CAMK2D: variants seen among roughly 807,000 people sequenced by gnomAD.
The protein encoded by CAMK2D is calcium/calmodulin-dependent protein kinase type II subunit delta.
A neutral mutation model predicts 84.0 loss-of-function variants in CAMK2D; 37 were observed. The observed-to-expected ratio is 0.44, with a 90% CI of 0.34 to 0.58. CAMK2D has a LOEUF of 0.58. Ranked by LOEUF, CAMK2D falls within the 20% of genes least tolerant of loss-of-function variation. CAMK2D has a pLI of 0.02. For synonymous variants in CAMK2D, 202 were observed against 212.5 expected, an observed-to-expected ratio of 0.95 and a Z score of 0.43; for missense variants, 448 against 652.5, an observed-to-expected ratio of 0.69 and a Z score of 3.41.
At chr4:113,732,304 G>A (rs1321408057) in intron 2 of CAMK2D, among the ~76,000 whole-genome samples, 2 of 151,834 alleles carry the variant, frequency 1.3e-5, no homozygotes, top group African/African-American at 4.8e-5. Flanking sequence ...TTTATTTTTT[G>A]TATAGACAGG....
chr4:113,756,761 C>A (rs1269589419), intron 2 of CAMK2D, among the ~76,000 whole-genome samples: 1 of 152,048 alleles, frequency 6.6e-6, no homozygotes. Flanking sequence ...TGAGCCCCTT[C>A]TATGCTCTCA....
chr4:113,690,590 A>G (rs946932550), intron 2 of CAMK2D, among the ~76,000 whole-genome samples: 2 of 152,196 alleles, frequency 1.3e-5, no homozygotes, highest in African/African-American at 4.8e-5. Context: ...CAAAATATCT[A>G]CTAAATGATG....
At chr4:113,514,226 A>G (rs1479422562) in intron 10 of CAMK2D, among the ~76,000 whole-genome samples, 3 of 152,180 alleles carry the variant, frequency 2.0e-5, no homozygotes, top group Non-Finnish European at 4.4e-5. Context: ...CAGCCTGGCC[A>G]ACATGGCGAA....
At chr4:113,583,803 T>C (rs913962690) in intron 4 of CAMK2D, among the ~76,000 whole-genome samples, 37 of 152,226 alleles carry the variant, frequency 2.4e-4, no homozygotes, top group Non-Finnish European at 4.7e-4. Context: ...TTTTCTGTTA[T>C]GGAATTCAGC....
At chr4:113,743,158 A>T (rs747626862) in intron 2 of CAMK2D, among the ~76,000 whole-genome samples, 4 of 152,092 alleles carry the variant, frequency 2.6e-5, no homozygotes, top group African/African-American at 7.2e-5. Context: ...CCCTCACCTC[A>T]TCTCTCTGCT....
chr4:113,571,724 A>T (rs2098754470), intron 4 of CAMK2D, among the ~76,000 whole-genome samples: 1 of 152,166 alleles, frequency 6.6e-6, no homozygotes, highest in South Asian at 2.1e-4. Context: ...AAAATAAAAA[A>T]ATTAGCTGGG....
intron 3 of CAMK2D, among the ~76,000 whole-genome samples, chr4:113,624,887 A>G (rs2099061195): frequency 6.6e-6 from 1 of 152,238 alleles, no homozygotes; most frequent in Non-Finnish European, 1.5e-5. Flanking sequence ...TTGCAGAGAA[A>G]GCTGACTTTC....
intron 2 of CAMK2D, among the ~76,000 whole-genome samples, chr4:113,720,990 T>C (rs2148621672): frequency 6.6e-6 from 1 of 152,252 alleles, no homozygotes; most frequent in South Asian, 2.1e-4. Flanking sequence ...GGTTTACATA[T>C]GCAAGGATAA....
chr4:113,709,782 T>TATATATATATATATATATATATATATAA (rs1561971636), intron 2 of CAMK2D, among the ~76,000 whole-genome samples: 2 of 127,274 alleles, frequency 1.6e-5, no homozygotes, highest in Non-Finnish European at 3.3e-5. Flanking sequence ...TATATATATA[T>TATATATATATATATATATATATATATAA]GAGAGACTTC....
intron 2 of CAMK2D, among the ~76,000 whole-genome samples, chr4:113,663,652 G>T (rs1365374143): frequency 2.0e-5 from 3 of 149,882 alleles, no homozygotes; most frequent in Non-Finnish European, 4.4e-5. Context: ...CTTAAACAGA[G>T]ATTTGAATTT....
At chr4:113,723,294 G>A (rs922217558) in intron 2 of CAMK2D, among the ~76,000 whole-genome samples, 3 of 149,664 alleles carry the variant, frequency 2.0e-5, no homozygotes, top group African/African-American at 7.4e-5. Context: ...GCACGATCTC[G>A]GCTCACTACA....
At chr4:113,460,358 T>C in intron 17 of CAMK2D, 117 bp from the exon 18 acceptor site, 1 of 707,492 alleles carries the variant, frequency 1.4e-6, no homozygotes, top group South Asian at 1.6e-5. Context: ...CTAAAAACAC[T>C]TACATACAAA....
chr4:113,452,158 T>C lies in CAMK2D; in HGVS notation c.*2387A>G, dbSNP rs2097262109. ...TAAAAAAAAAAAAAAAAAGCAGCCATGTGAAGGCTGGATTGGAGGGTACAG... is the reference window on the plus strand; with the variant it reads ...TAAAAAAAAAAAAAAAAAGCAGCCACGTGAAGGCTGGATTGGAGGGTACAG... On this transcript the variant is annotated 3_prime_UTR_variant, in exon 21 of 21. Coordinates refer to ENST00000511664, the MANE Select transcript of CAMK2D (RefSeq NM_001321571.2). 6.8e-6 allele frequency: 1 copy of C among 147,064 alleles called. No homozygotes were observed. The highest frequency in any genetic ancestry group is 1.5e-5 in the Non-Finnish European group (1 of 67,152). 9.1% of individuals were successfully genotyped at this position (147,064 alleles called of 1,614,324 possible).
At chr4:113,466,050 A>G (rs912427444) in intron 16 of CAMK2D, among the ~76,000 whole-genome samples, 3 of 151,918 alleles carry the variant, frequency 2.0e-5, no homozygotes, top group Non-Finnish European at 2.9e-5. Flanking sequence ...TCAGGAGTTC[A>G]AGACCAGCCT....
At chr4:113,684,163 C>A (rs889432151) in intron 2 of CAMK2D, among the ~76,000 whole-genome samples, 1 of 152,116 alleles carries the variant, frequency 6.6e-6, no homozygotes, top group African/African-American at 2.4e-5. Context: ...CACAATGGAA[C>A]CAGAGAATGA....
chr4:113,524,305 T>C, intron 8 of CAMK2D, among the ~76,000 whole-genome samples: 1 of 152,182 alleles, frequency 6.6e-6, no homozygotes, highest in South Asian at 2.1e-4. Context: ...CCCCTTTCTC[T>C]CTAGTTCTTG....
chr4:113,550,495 T>C (rs546532250), intron 5 of CAMK2D, among the ~76,000 whole-genome samples: 1 of 152,332 alleles, frequency 6.6e-6, no homozygotes, highest in African/African-American at 2.4e-5. Context: ...CTTTATGTAT[T>C]TAGAAGGGAA....
At chr4:113,460,578 T>C (rs1032537449) in intron 17 of CAMK2D, among the ~76,000 whole-genome samples, 2 of 152,006 alleles carry the variant, frequency 1.3e-5, no homozygotes, top group Non-Finnish European at 1.5e-5. Context: ...GGTTTACTAT[T>C]TTTTAAAAAT....
rs781319111 is a variant in CAMK2D, at chr4:113,761,113, A to G, written c.-45T>C. 6.2e-7 allele frequency: 1 copy of G among 1,612,660 alleles called. No homozygotes were observed. The highest frequency in any genetic ancestry group is 1.3e-5 in the African/African-American group (1 of 74,936). The stretch of plus-strand genomic sequence containing the variant: ...CTGGCTGGGAGCGCGACGGACCAGA[A>G]GCGAGCAGACGCGCGGCTAACCCCG... On this transcript the variant is annotated 5_prime_UTR_variant, in exon 1 of 21. Transcript: ENST00000511664.
Sources: gnomAD v4.1 joint callset for allele counts (sites outside exome capture counted in the v4.1 genomes callset) on GRCh38, gnomAD v4.1.1 for gene constraint, MANE v1.5 for transcripts, NCBI Gene and HGNC (gene_info 2026-07-23, HGNC 2026-07-21) for gene names.